PUM2: variants seen among roughly 807,000 people sequenced by gnomAD.
The protein encoded by PUM2 is pumilio homolog 2.
PUM2 carries 57 observed loss-of-function variants against 124.5 expected under a neutral mutation model. The ratio of observed to expected loss-of-function variants is 0.46; its 90% confidence interval spans 0.37 to 0.57. The LOEUF (loss-of-function observed/expected upper bound fraction) is 0.57, where lower values mean the gene tolerates loss of function less well. Ranked by LOEUF, PUM2 falls within the 20% of genes least tolerant of loss-of-function variation. PUM2 has a pLI of 0.00. For missense variants in PUM2, 1,065 were observed against 1,290.6 expected, an observed-to-expected ratio of 0.83 and a Z score of 2.68; for synonymous variants, 460 against 446.1, an observed-to-expected ratio of 1.03 and a Z score of -0.39.
intron 1 of PUM2, among the ~76,000 whole-genome samples, chr2:20,328,587 T>C (rs905710246): frequency 6.6e-6 from 1 of 151,842 alleles, no homozygotes; most frequent in Admixed American, 6.6e-5. Flanking sequence ...TAAAGAAAAA[T>C]ATGCTCCTAA....
intron 1 of PUM2, chr2:20,350,382 G>A (rs1403581907): frequency 1.3e-6 from 1 of 785,826 alleles, no homozygotes; most frequent in Admixed American, 6.2e-5. Flanking sequence ...CGGCCGGCGC[G>A]GCGCCCCCTC....
chr2:20,268,737 G>C lies in PUM2; in HGVS notation c.1958-5277C>G, dbSNP rs575146219. The stretch of plus-strand genomic sequence containing the variant: ...AAATATAAAACAGAAGTTACAGAAA[G>C]ATAGCATTTCTTTCCAGATTAATAT... On this transcript the variant is annotated intron_variant, in intron 13 of 20. Transcript: ENST00000361078. Among the ~76,000 whole-genome samples the C allele has an allele frequency of 1.7e-3, 257 of 152,240 alleles. 2 individuals carry two copies. The highest frequency in any genetic ancestry group is 5.9e-3 in the African/African-American group (245 of 41,552).
At chr2:20,259,783 A>G (rs76044058) in intron 15 of PUM2, among the ~76,000 whole-genome samples, 1 of 152,268 alleles carries the variant, frequency 6.6e-6, no homozygotes, top group Non-Finnish European at 1.5e-5. Context: ...TTTGCTTTCA[A>G]TTGTACCCCT....
Position 20,254,082 on chromosome 2 carries a change from T to C in PUM2, c.2871-68A>G, listed in dbSNP as rs148742948. 981 of 1,363,814 alleles carry C rather than the reference T, an allele frequency of 7.2e-4. 9 individuals carry two copies. The African/African-American group carries it at 0.013, about 18-fold the overall frequency. 84.5% of individuals were successfully genotyped at this position (1,363,814 alleles called of 1,614,324 possible). A position where few individuals can be genotyped will look rare whatever the true frequency, so the allele number is the denominator to read the frequency against. On this transcript the variant is annotated intron_variant, in intron 19 of 20. Coordinates refer to ENST00000361078, the MANE Select transcript of PUM2 (RefSeq NM_015317.5). Reference sequence around the variant, plus strand: ...TTCACAGCAAAATTTCCTTGACTTATAGAAAGAATCTTCTCCAATGAACAA... The same window carrying C: ...TTCACAGCAAAATTTCCTTGACTTACAGAAAGAATCTTCTCCAATGAACAA...
intron 13 of PUM2, among the ~76,000 whole-genome samples, chr2:20,278,041 A>AT (rs965248304): frequency 8.6e-5 from 13 of 152,016 alleles, no homozygotes; most frequent in African/African-American, 3.1e-4. Context: ...AGCCTAAAAC[A>AT]TTTTTTTTCT....
chr2:20,252,342 T>C (rs1463927652), intron 20 of PUM2, among the ~76,000 whole-genome samples: 3 of 151,978 alleles, frequency 2.0e-5, no homozygotes, highest in South Asian at 2.1e-4. Context: ...AGCCAGGAAG[T>C]TGAGGCTAGA....
At chr2:20,318,867 C>G (rs1572902898) in intron 2 of PUM2, among the ~76,000 whole-genome samples, 2 of 152,102 alleles carry the variant, frequency 1.3e-5, no homozygotes, top group Non-Finnish European at 2.9e-5. Context: ...AAATCAAAAT[C>G]TACTTCTGAC....
intron 1 of PUM2, among the ~76,000 whole-genome samples, chr2:20,347,042 T>C (rs75739163): frequency 0.013 from 1,987 of 152,310 alleles, 51 homozygotes; most frequent in African/African-American, 0.044. Context: ...ACAAGGTGTG[T>C]ACATTTTGAT....
rs752197788 is a variant in PUM2, at chr2:20,255,209, T to C, written c.2748+7A>G. On this transcript the variant is annotated splice_region_variant and intron_variant, in intron 18 of 20. Transcript: ENST00000361078. ...ATAAACATTTCAAATTATTAGGGAA[T>C]TTATACCTGTACCAACTGCTCTGTA... 1.9e-6 allele frequency: 3 copies of C among 1,586,890 alleles called. No homozygotes were observed. In the Admixed American group the frequency reaches 5.2e-5, roughly 27 times the overall value.
At position 20,314,260 on chromosome 2, in the gene PUM2, C is replaced by T. The variant is rs116278024; in HGVS notation, c.161-1837G>A. ...TAGATCAGAACTCACGACTATAACGCTATAATCACAAATGAGTAAGTCCAG... is the reference window on the plus strand; with the variant it reads ...TAGATCAGAACTCACGACTATAACGTTATAATCACAAATGAGTAAGTCCAG... On this transcript the variant is annotated intron_variant, in intron 3 of 20. Coordinates refer to ENST00000361078, the MANE Select transcript of PUM2 (RefSeq NM_015317.5). Among the ~76,000 whole-genome samples the T allele has an allele frequency of 8.3e-3, 1,262 of 152,194 alleles. 16 individuals are homozygous for T. Among genetic ancestry groups the T allele is most frequent in the African/African-American group, 0.029 (1,203 of 41,534 alleles).
intron 2 of PUM2, among the ~76,000 whole-genome samples, chr2:20,326,009 T>C (rs546403975): frequency 6.6e-6 from 1 of 152,300 alleles, no homozygotes; most frequent in South Asian, 2.1e-4. Flanking sequence ...GCTTTTAATA[T>C]ATGTTATTCT....
intron 13 of PUM2, among the ~76,000 whole-genome samples, chr2:20,272,419 C>CAAGT (rs1431420038): frequency 6.6e-6 from 1 of 152,144 alleles, no homozygotes; most frequent in Non-Finnish European, 1.5e-5. Flanking sequence ...TACTCCTGCC[C>CAAGT]AAGTCACTGA....
intron 2 of PUM2, among the ~76,000 whole-genome samples, chr2:20,325,356 T>TCTGA (rs1265727016): frequency 1.7e-4 from 26 of 152,202 alleles, no homozygotes. Context: ...ACTCTCCATA[T>TCTGA]CTGACATGTC....
chr2:20,340,647 A>G (rs1687043433), intron 1 of PUM2, among the ~76,000 whole-genome samples: 1 of 152,228 alleles, frequency 6.6e-6, no homozygotes, highest in Admixed American at 6.5e-5. Context: ...GATTTTTATT[A>G]GTATTTTTTA....
In PUM2 at chr2:20,350,839, TCC is replaced by T; in HGVS notation, c.-263_-262del. The T allele has an allele frequency of 1.1e-6, 1 of 941,470 alleles. No homozygotes were observed. Among genetic ancestry groups the T allele is most frequent in the Non-Finnish European group, 1.3e-6 (1 of 792,856 alleles). 58.3% of individuals were successfully genotyped at this position (941,470 alleles called of 1,614,324 possible). On this transcript the variant is annotated 5_prime_UTR_variant, in exon 1 of 21. Coordinates refer to ENST00000361078, the MANE Select transcript of PUM2 (RefSeq NM_015317.5). ...ACATGGCTGCCACCGCCGCCTGCCCTCCCCTCCCCCCCGCCCACCGGGCGCGC... is the reference window on the plus strand; with the variant it reads ...ACATGGCTGCCACCGCCGCCTGCCCTCCTCCCCCCCGCCCACCGGGCGCGC...
At chr2:20,350,387 C>A (rs1160180212) in intron 1 of PUM2, 2 of 803,912 alleles carry the variant, frequency 2.5e-6, no homozygotes, top group Non-Finnish European at 3.0e-6. Flanking sequence ...GGCGCGGCGC[C>A]CCCTCCCCCG....
At chr2:20,321,757 A>G (rs1218596856) in intron 2 of PUM2, among the ~76,000 whole-genome samples, 1 of 152,194 alleles carries the variant, frequency 6.6e-6, no homozygotes, top group Non-Finnish European at 1.5e-5. Context: ...AACAAAATTA[A>G]GAAACCGTTA....
At position 20,311,511 on chromosome 2, in the gene PUM2, G is replaced by C; in HGVS notation, c.501C>G (p.Ala167=). 1 of 1,606,074 alleles carries C rather than the reference G, an allele frequency of 6.2e-7. No individual in the cohort carries two copies. The part of the protein sequence containing the change: ...NGRGLPNGMD[A]DCKDFNRTPG... ...AATCTTACTTAAAATCTTTGCAATC[G>C]GCATCCATTCCATTTGGCAAACCTC... Residue 167 remains alanine (A), a synonymous_variant, in exon 5 of 21, where the codon GCC becomes GCG. Coordinates refer to ENST00000361078, the MANE Select transcript of PUM2 (RefSeq NM_015317.5).
At chr2:20,277,806 T>C (rs887750751) in intron 13 of PUM2, among the ~76,000 whole-genome samples, 8 of 152,068 alleles carry the variant, frequency 5.3e-5, no homozygotes, top group Non-Finnish European at 8.8e-5. Flanking sequence ...ACTAGAATTA[T>C]AAAAATTCAA....
Sources: gnomAD v4.1 joint callset for allele counts (sites outside exome capture counted in the v4.1 genomes callset) on GRCh38, gnomAD v4.1.1 for gene constraint, MANE v1.5 for transcripts, NCBI Gene and HGNC (gene_info 2026-07-23, HGNC 2026-07-21) for gene names.